JAKMIP1: variants seen among roughly 807,000 people sequenced by gnomAD.
The protein encoded by JAKMIP1 is janus kinase and microtubule-interacting protein 1.
JAKMIP1 carries 33 observed loss-of-function variants against 113.0 expected under a neutral mutation model. That is an observed-to-expected ratio of 0.29 (90% CI 0.22 to 0.39). JAKMIP1 has a LOEUF of 0.39. Ranked by LOEUF, JAKMIP1 falls within the 10% of genes least tolerant of loss-of-function variation. The pLI is 1.00. For missense variants in JAKMIP1, 813 were observed against 1,080.5 expected, an observed-to-expected ratio of 0.75 and a Z score of 3.47; for synonymous variants, 480 against 459.9, an observed-to-expected ratio of 1.04 and a Z score of -0.56.
intron 17 of JAKMIP1, among the ~76,000 whole-genome samples, chr4:6,041,817 A>G (rs902525881): frequency 6.6e-6 from 1 of 152,314 alleles, no homozygotes; most frequent in South Asian, 2.1e-4. Context: ...CTCTCCTAAC[A>G]TCCTCATGCT....
chr4:6,038,818 G>T (rs11933819), intron 18 of JAKMIP1, among the ~76,000 whole-genome samples: 3,283 of 152,234 alleles, frequency 0.022, 103 homozygotes, highest in African/African-American at 0.074. Flanking sequence ...CTCAGCAGCC[G>T]AGCTCCCAGG....
At chr4:6,126,367 ACATG>A (rs142345369) in intron 1 of JAKMIP1, among the ~76,000 whole-genome samples, 7 of 23,960 alleles carry the variant, frequency 2.9e-4, no homozygotes, top group Non-Finnish European at 4.9e-4. Flanking sequence ...AGAAACACAC[ACATG>A]CACAAACACA....
Position 6,032,186 on chromosome 4 carries a change from T to A in JAKMIP1, c.2380-2405A>T, listed in dbSNP as rs142977809. Among the ~76,000 whole-genome samples, 766 of 152,324 alleles carry A rather than the reference T, an allele frequency of 5.0e-3. 3 individuals carry two copies. The highest frequency in any genetic ancestry group is 0.017 in the African/African-American group (716 of 41,568). On this transcript the variant is annotated intron_variant, in intron 19 of 20. Transcript: ENST00000409021. ...GGACCCCATGACACCGAGGGTGAAA[T>A]GGGATCTGCAGGACAATGCTTTGTA...
chr4:6,098,722 A>AAGAAAGAAAGAG (rs373338055), intron 3 of JAKMIP1, among the ~76,000 whole-genome samples: 13 of 12,996 alleles, frequency 1.0e-3, no homozygotes, highest in African/African-American at 2.8e-3. Context: ...GAAAGAAAGA[A>AAGAAAGAAAGAG]AAAGAAAGAA....
In JAKMIP1 at chr4:6,109,938, A is replaced by G. The variant is rs189389128; in HGVS notation, c.129+2784T>C. On this transcript the variant is annotated intron_variant, in intron 2 of 20. Coordinates refer to ENST00000409021, the MANE Select transcript of JAKMIP1 (RefSeq NM_001099433.2). ...GGTAAAGTCAACCTGAAGCGGCCAC[A>G]TGGATGGCTGGATTGAGAAAATAAT... Among the ~76,000 whole-genome samples the G allele has an allele frequency of 7.9e-3, 1,198 of 152,078 alleles. 19 individuals are homozygous for G. Among genetic ancestry groups the G allele is most frequent in the African/African-American group, 0.028 (1,144 of 41,376 alleles).
chr4:6,045,641 G>A (rs1714884855), intron 16 of JAKMIP1, among the ~76,000 whole-genome samples: 1 of 152,246 alleles, frequency 6.6e-6, no homozygotes. Context: ...GGGAGGCCAA[G>A]GCGGGTAGAT....
chr4:6,189,777 G>A (rs1247543478), intron 1 of JAKMIP1, among the ~76,000 whole-genome samples: 1 of 152,228 alleles, frequency 6.6e-6, no homozygotes, highest in Non-Finnish European at 1.5e-5. Context: ...GGAGTTTTCT[G>A]AAGGAAGGCG....
intron 3 of JAKMIP1, among the ~76,000 whole-genome samples, chr4:6,105,151 T>C (rs919261603): frequency 2.6e-5 from 4 of 152,248 alleles, no homozygotes; most frequent in African/African-American, 9.6e-5. Context: ...GCATCTTACC[T>C]GGAGATGGAA....
rs1045656087 is a variant in JAKMIP1, at chr4:6,142,839, C to T, written c.-147-29842G>A. 1.3e-5 allele frequency among the ~76,000 whole-genome samples: 2 copies of T among 152,180 alleles called. No homozygotes were observed. Among genetic ancestry groups the T allele is most frequent in the Admixed American group, 1.3e-4 (2 of 15,284 alleles). ...CACAGGATTTTCAACAACTTCATTG[C>T]TTACAGGTGAGGAAACGGAGGATGG... On this transcript the variant is annotated intron_variant, in intron 1 of 20. Transcript: ENST00000409021. This position sits in a 1 kb window ranked among gnomAD's most constrained non-coding sequence, Gnocchi z 5.5.
At chr4:6,100,658 T>C (rs1376341713) in intron 3 of JAKMIP1, among the ~76,000 whole-genome samples, 1 of 152,178 alleles carries the variant, frequency 6.6e-6, no homozygotes, top group Non-Finnish European at 1.5e-5. Flanking sequence ...TACAAAACCA[T>C]TTATCAAGGT....
chr4:6,075,765 G>A lies in JAKMIP1; in HGVS notation c.1302+3174C>T, dbSNP rs1270092625. Among the ~76,000 whole-genome samples, 4 of 152,210 alleles carry A rather than the reference G, an allele frequency of 2.6e-5. No homozygotes were observed. The East Asian group carries it at 7.7e-4, about 29-fold the overall frequency. On this transcript the variant is annotated intron_variant, in intron 8 of 20. Transcript: ENST00000409021. ...CCTACTCTGTGCCAGGCAATGAACA[G>A]GCCACAGTGGGCAGGACAGACACAG...
rs534750588 is a variant in JAKMIP1 at position 6,135,915 on chromosome 4, G to A, written c.-147-22918C>T. Among the ~76,000 whole-genome samples the A allele has an allele frequency of 1.4e-5, 2 of 146,268 alleles. No homozygotes were observed. Among genetic ancestry groups the A allele is most frequent in the Admixed American group, 1.4e-4 (2 of 14,712 alleles). Reference sequence around the variant, plus strand: ...AAATGGTGGGGGGAGAGGTGGGGGGGGACAGCAAAAATAAGGAGTGAATGA... The same window carrying A: ...AAATGGTGGGGGGAGAGGTGGGGGGAGACAGCAAAAATAAGGAGTGAATGA... On this transcript the variant is annotated intron_variant, in intron 1 of 20. Transcript: ENST00000409021. This position sits in a 1 kb window ranked among gnomAD's most constrained non-coding sequence, Gnocchi z 4.9.
chr4:6,139,559 A>T lies in JAKMIP1; in HGVS notation c.-147-26562T>A, dbSNP rs1207699839. ...GAGGCAGGCGGATCACAAAGTCAGGAGTTCGAGACCAACCTGGCCAACATA... is the reference window on the plus strand; with the variant it reads ...GAGGCAGGCGGATCACAAAGTCAGGTGTTCGAGACCAACCTGGCCAACATA... On this transcript the variant is annotated intron_variant, in intron 1 of 20. Coordinates refer to ENST00000409021, the MANE Select transcript of JAKMIP1 (RefSeq NM_001099433.2). The surrounding 1 kb of genome is among the most constrained non-coding windows in gnomAD (Gnocchi z 5.2). 6.6e-6 allele frequency among the ~76,000 whole-genome samples: 1 copy of T among 152,032 alleles called. No homozygotes were observed. Among genetic ancestry groups the T allele is most frequent in the Non-Finnish European group, 1.5e-5 (1 of 68,030 alleles).
chr4:6,121,500 T>C (rs866333327), intron 1 of JAKMIP1, among the ~76,000 whole-genome samples: 11 of 152,286 alleles, frequency 7.2e-5, no homozygotes, highest in African/African-American at 2.6e-4. Context: ...TGTCCAGCCA[T>C]AGGGAATTCC....
At position 6,051,960 on chromosome 4, in the gene JAKMIP1, C is replaced by T. The variant is rs1040751156; in HGVS notation, c.1807-1281G>A. ...TTACGGTAAGGTAAAAAATAACATG[C>T]TTTGGGCCATTCTAGCAGAATCTAG... On this transcript the variant is annotated intron_variant, in intron 13 of 20. Coordinates refer to ENST00000409021, the MANE Select transcript of JAKMIP1 (RefSeq NM_001099433.2). The surrounding 1 kb of genome is among the most constrained non-coding windows in gnomAD (Gnocchi z 5.0). Among the ~76,000 whole-genome samples, 2 of 152,146 alleles carry T rather than the reference C, an allele frequency of 1.3e-5. No homozygotes were observed. The highest frequency in any genetic ancestry group is 4.8e-5 in the African/African-American group (2 of 41,422).
intron 1 of JAKMIP1, among the ~76,000 whole-genome samples, chr4:6,134,675 T>C (rs1396947741): frequency 1.3e-5 from 2 of 152,110 alleles, no homozygotes; most frequent in African/African-American, 4.8e-5. Context: ...TGCCTCAACC[T>C]CCCAAGAGCC....
At chr4:6,117,494 C>T (rs1267338590) in intron 1 of JAKMIP1, among the ~76,000 whole-genome samples, 2 of 150,068 alleles carry the variant, frequency 1.3e-5, no homozygotes, top group African/African-American at 5.0e-5. Context: ...GGAGACAGGG[C>T]AAGATCACAG....
chr4:6,128,171 G>C (rs1382134986), intron 1 of JAKMIP1, among the ~76,000 whole-genome samples: 1 of 152,206 alleles, frequency 6.6e-6, no homozygotes, highest in Non-Finnish European at 1.5e-5. Flanking sequence ...TTTAGAGCCA[G>C]ACGGACATGG....
At chr4:6,036,537 G>C (rs1023672604) in intron 18 of JAKMIP1, among the ~76,000 whole-genome samples, 10 of 152,112 alleles carry the variant, frequency 6.6e-5, no homozygotes, top group African/African-American at 2.2e-4. Context: ...CACACATTTG[G>C]TTTTCAGCTG....
Sources: allele counts gnomAD v4.1 joint callset (sites outside exome capture counted in the v4.1 genomes callset), GRCh38; gene constraint gnomAD v4.1.1; non-coding constraint Gnocchi (gnomAD v3.1); transcripts MANE v1.5; gene names NCBI Gene and HGNC (gene_info 2026-07-23, HGNC 2026-07-21).